The following CHST9 variants were observed in gnomAD, a reference collection of about 807,000 sequenced individuals.
CHST9 encodes GalNAc-4-sulfotransferase 2.
A neutral mutation model predicts 44.4 loss-of-function variants in CHST9; 41 were observed. The observed-to-expected ratio is 0.92, with a 90% CI of 0.72 to 1.20. The LOEUF (loss-of-function observed/expected upper bound fraction) is 1.20. Ranked by LOEUF, CHST9 falls within the 50% of genes most tolerant of loss-of-function variation. The pLI, the probability that CHST9 is intolerant of heterozygous loss-of-function variation, is 0.00. For synonymous variants in CHST9, 171 were observed against 178.4 expected (o/e 0.96, Z 0.33); for missense variants, 504 against 516.5 (o/e 0.98, Z 0.23).
At chr18:26,936,826 G>A (rs1206674492) in intron 5 of CHST9, among the ~76,000 whole-genome samples, 1 of 152,178 alleles carries the variant, frequency 6.6e-6, no homozygotes, top group Non-Finnish European at 1.5e-5. Context: ...CCTATTGGGT[G>A]TTAGCATCTT....
chr18:27,135,609 C>T (rs1598748006), intron 2 of CHST9, among the ~76,000 whole-genome samples: 1 of 152,302 alleles, frequency 6.6e-6, no homozygotes, highest in East Asian at 1.9e-4. Flanking sequence ...ATAACCTTGA[C>T]TGAATATTAA....
intron 2 of CHST9, among the ~76,000 whole-genome samples, chr18:27,099,106 T>C (rs1397629011): frequency 1.1e-4 from 16 of 152,144 alleles, no homozygotes; most frequent in Admixed American, 1.0e-3. Flanking sequence ...CTCTATTCAA[T>C]AAATGGTGTT....
intron 2 of CHST9, among the ~76,000 whole-genome samples, chr18:27,054,282 G>C (rs2057625485): frequency 6.6e-6 from 1 of 152,080 alleles, no homozygotes; most frequent in Non-Finnish European, 1.5e-5. Flanking sequence ...TAATAGAAAG[G>C]CTTTCAGAAT....
chr18:26,990,601 T>C lies in CHST9; in HGVS notation c.202+33515A>G, dbSNP rs917397273. On this transcript the variant is annotated intron_variant, in intron 4 of 5. Coordinates refer to ENST00000618847, the MANE Select transcript of CHST9 (RefSeq NM_031422.6). ...AATGGCCTTAGCATTTTATGTTTCA[T>C]GTCATGCATCATTTTCTCTAGCATG... Among the ~76,000 whole-genome samples the C allele has an allele frequency of 3.9e-5, 6 of 152,234 alleles. No homozygotes were observed. In the South Asian group the frequency reaches 1.0e-3, roughly 26 times the overall value.
intron 2 of CHST9, among the ~76,000 whole-genome samples, chr18:27,049,665 A>ACTGAATAGT (rs2057542943): frequency 6.6e-6 from 1 of 152,156 alleles, no homozygotes; most frequent in South Asian, 2.1e-4. Flanking sequence ...ACAGACATCT[A>ACTGAATAGT]CTGAATAGTC....
intron 1 of CHST9, among the ~76,000 whole-genome samples, chr18:27,150,150 C>T (rs1243109883): frequency 6.7e-6 from 1 of 150,362 alleles, no homozygotes; most frequent in Admixed American, 6.6e-5. Flanking sequence ...TTGTCACTTC[C>T]TTCCTTATCA....
At chr18:27,014,969 T>C (rs985243422) in intron 4 of CHST9, among the ~76,000 whole-genome samples, 1 of 152,170 alleles carries the variant, frequency 6.6e-6, no homozygotes, top group African/African-American at 2.4e-5. Flanking sequence ...GACTCTGCCC[T>C]GCATTCCTTA....
At chr18:27,120,274 G>T (rs570519048) in intron 2 of CHST9, among the ~76,000 whole-genome samples, 49 of 152,294 alleles carry the variant, frequency 3.2e-4, no homozygotes, top group Middle Eastern at 6.8e-3. Context: ...ATCCAAGTAC[G>T]TTACCACTTA....
chr18:27,137,952 C>T (rs965228666), intron 2 of CHST9, among the ~76,000 whole-genome samples: 1 of 152,208 alleles, frequency 6.6e-6, no homozygotes, highest in African/African-American at 2.4e-5. Flanking sequence ...GCATCATACG[C>T]ATAGCTCCCT....
chr18:27,149,224 G>C (rs200326597), intron 1 of CHST9, among the ~76,000 whole-genome samples: 1 of 146,426 alleles, frequency 6.8e-6, no homozygotes, highest in Non-Finnish European at 1.5e-5. Context: ...TCACTCTGAT[G>C]GTAGTTTCTT....
chr18:27,032,579 A>C (rs996929743), intron 3 of CHST9, among the ~76,000 whole-genome samples: 5 of 152,214 alleles, frequency 3.3e-5, no homozygotes, highest in Non-Finnish European at 7.3e-5. Context: ...ACCCTGTGCC[A>C]GAACAACGCA....
At chr18:27,164,093 T>G (rs1222485866) in intron 1 of CHST9, among the ~76,000 whole-genome samples, 1 of 152,086 alleles carries the variant, frequency 6.6e-6, no homozygotes, top group Non-Finnish European at 1.5e-5. Context: ...TGCTATAAAA[T>G]CCAGGAAAGG....
chr18:26,969,634 A>G (rs60856601), intron 4 of CHST9, among the ~76,000 whole-genome samples: 44,736 of 151,998 alleles, frequency 0.29, 7,767 homozygotes, highest in African/African-American at 0.49. Flanking sequence ...GTTGGGGAGG[A>G]GCATACAAAC....
chr18:26,926,225 G>A lies in CHST9; in HGVS notation c.241-8875C>T, dbSNP rs1179621035. ...CTGTTTCTGTTGTGAGGCTATTCAA[G>A]TTGATCCAAAAAGCTAATTTCTATG... On this transcript the variant is annotated intron_variant, in intron 5 of 5. Transcript: ENST00000618847. Among the ~76,000 whole-genome samples the A allele has an allele frequency of 2.6e-5, 4 of 152,196 alleles. 1 individual carries two copies. Among genetic ancestry groups the A allele is most frequent in the South Asian group, 4.1e-4 (2 of 4,828 alleles).
At chr18:27,113,640 G>C (rs574126334) in intron 2 of CHST9, among the ~76,000 whole-genome samples, 4 of 152,110 alleles carry the variant, frequency 2.6e-5, no homozygotes, top group Non-Finnish European at 5.9e-5. Context: ...GACACAGCAA[G>C]AAGGTGCCAT....
intron 1 of CHST9, among the ~76,000 whole-genome samples, chr18:27,167,547 T>C (rs1297770560): frequency 1.3e-5 from 2 of 152,250 alleles, no homozygotes; most frequent in East Asian, 1.9e-4. Flanking sequence ...AGCAATACTT[T>C]AGTTGTCATT....
At chr18:27,122,597 C>A (rs1452710412) in intron 2 of CHST9, among the ~76,000 whole-genome samples, 2 of 152,238 alleles carry the variant, frequency 1.3e-5, no homozygotes, top group South Asian at 2.1e-4. Context: ...ATGTAATTAT[C>A]CATTCAACTT....
intron 5 of CHST9, among the ~76,000 whole-genome samples, chr18:26,929,945 C>G (rs1281424396): frequency 2.0e-5 from 3 of 152,206 alleles, no homozygotes; most frequent in Non-Finnish European, 2.9e-5. Flanking sequence ...CCAAAGCCAC[C>G]TGAGTCCTGG....
chr18:26,941,785 G>A (rs1305305264), intron 5 of CHST9, among the ~76,000 whole-genome samples: 1 of 152,166 alleles, frequency 6.6e-6, no homozygotes, highest in Non-Finnish European at 1.5e-5. Context: ...AATTGCACAG[G>A]AAAGAATCCA....
Sources: gnomAD v4.1 joint callset for allele counts (sites outside exome capture counted in the v4.1 genomes callset) on GRCh38, gnomAD v4.1.1 for gene constraint, MANE v1.5 for transcripts, NCBI Gene and HGNC (gene_info 2026-07-23, HGNC 2026-07-21) for gene names.